ANKRD60: variants seen among roughly 807,000 people sequenced by gnomAD.
ANKRD60 encodes ankyrin repeat domain-containing protein 60.
ANKRD60 carries 24 observed loss-of-function variants against 21.3 expected under a neutral mutation model. That is an observed-to-expected ratio of 1.13 (90% CI 0.82 to 1.59). ANKRD60 has a LOEUF of 1.59. ANKRD60 is among the 40% of genes most tolerant of loss of function. The probability of loss-of-function intolerance (pLI) is 0.00; values close to 1 mark genes in which losing one functional copy is unlikely to be tolerated. For synonymous variants in ANKRD60, 182 were observed against 199.4 expected (o/e 0.91, Z 0.74); for missense variants, 490 against 466.7 (o/e 1.05, Z -0.46).
intron 2 of ANKRD60, among the ~76,000 whole-genome samples, chr20:58,222,232 G>T (rs1288557385): frequency 6.6e-6 from 1 of 152,158 alleles, no homozygotes; most frequent in African/African-American, 2.4e-5. Context: ...GCAGAGGAGA[G>T]TGTGGAGGAG....
chr20:58,222,809 C>T lies in ANKRD60; in HGVS notation c.561+243G>A, dbSNP rs190641444. Among the ~76,000 whole-genome samples, 248 of 152,264 alleles carry T rather than the reference C, an allele frequency of 1.6e-3. 1 individual carries two copies. Among genetic ancestry groups the T allele is most frequent in the Admixed American group, 2.7e-3 (41 of 15,298 alleles). ...GAAACGTGCTGCCTCGACTCCTTTG[C>T]GGGGAGGGGTGGGGCGGTAAGTGGG... On this transcript the variant is annotated intron_variant, in intron 2 of 3. Transcript: ENST00000457363.
intron 3 of ANKRD60, 103 bp from the exon 4 acceptor site, chr20:58,218,908 T>C: frequency 8.9e-7 from 1 of 1,126,864 alleles, no homozygotes; most frequent in Non-Finnish European, 1.2e-6. Flanking sequence ...TCCTGCTGCC[T>C]GGCCCAGCTC....
At chr20:58,219,848 A>C (rs1304889587) in intron 3 of ANKRD60, among the ~76,000 whole-genome samples, 1 of 152,212 alleles carries the variant, frequency 6.6e-6, no homozygotes, top group African/African-American at 2.4e-5. Flanking sequence ...AATACATCAC[A>C]GTTCTATCAG....
intron 1 of ANKRD60, among the ~76,000 whole-genome samples, chr20:58,226,405 G>T (rs1474826863): frequency 2.0e-5 from 3 of 152,040 alleles, no homozygotes; most frequent in Admixed American, 2.0e-4. Context: ...GAGATTTGGG[G>T]GTCTTCATGG....
At chr20:58,227,253 C>G (rs1984383626) in intron 1 of ANKRD60, among the ~76,000 whole-genome samples, 1 of 152,132 alleles carries the variant, frequency 6.6e-6, no homozygotes, top group African/African-American at 2.4e-5. Flanking sequence ...TTTGCCTGGA[C>G]ACAGTTGTTG....
intron 3 of ANKRD60, among the ~76,000 whole-genome samples, chr20:58,220,683 AGTGTGTGTGTGT>A (rs36015489): frequency 8.1e-5 from 12 of 148,410 alleles, no homozygotes; most frequent in South Asian, 2.1e-4. Context: ...GGTTTTTTCT[AGTGTGTGTGTGT>A]GTGTGTGTGT....
intron 2 of ANKRD60, 32 bp downstream of exon 2, chr20:58,223,020 T>C: frequency 6.5e-7 from 1 of 1,538,264 alleles, no homozygotes; most frequent in Non-Finnish European, 8.8e-7. Context: ...CTTCGTAACG[T>C]ATAATATCCA....
Position 58,228,277 on chromosome 20 carries a change from T to C in ANKRD60, c.377A>G (p.Asp126Gly). ...GTTGAAGGGGATGCCGACCATCAGG[T>C]CCAGCTCCTCTTTGAGCTCCCGCAC... The change falls in exon 1 of 4, where the codon GAC (aspartate) becomes GGC (glycine). Residue 126 changes from aspartate (D) to glycine (G), a missense_variant. Coordinates refer to ENST00000457363, the Ensembl canonical transcript of ANKRD60. The surrounding 1 kb of genome is among the most constrained non-coding windows in gnomAD (Gnocchi z 5.3). 6.4e-7 allele frequency: 1 copy of C among 1,551,368 alleles called. No homozygotes were observed. The highest frequency in any genetic ancestry group is 8.7e-7 in the Non-Finnish European group (1 of 1,146,870).
At chr20:58,222,328 G>C (rs1984275738) in intron 2 of ANKRD60, among the ~76,000 whole-genome samples, 1 of 152,056 alleles carries the variant, frequency 6.6e-6, no homozygotes, top group South Asian at 2.1e-4. Flanking sequence ...GCCTCCTGCC[G>C]CACCTGCCCC....
chr20:58,220,522 A>AGAGAGAGT (rs1491070660), intron 3 of ANKRD60, among the ~76,000 whole-genome samples: 1 of 143,980 alleles, frequency 6.9e-6, no homozygotes. Context: ...AGAGAGAGAG[A>AGAGAGAGT]GTGGAAGGAG....
chr20:58,223,248 A>C, intron 1 of ANKRD60, 66 bp from the exon 2 acceptor site: 2 of 1,341,424 alleles, frequency 1.5e-6, no homozygotes, highest in Non-Finnish European at 2.0e-6. Flanking sequence ...ACATTGGTTA[A>C]GTTAAGAGAT....
At chr20:58,226,538 T>C (rs1442048299) in intron 1 of ANKRD60, among the ~76,000 whole-genome samples, 1 of 152,176 alleles carries the variant, frequency 6.6e-6, no homozygotes, top group Admixed American at 6.5e-5. Context: ...AAGTTTGCTT[T>C]GAGTTTTGGG....
exon 4 of ANKRD60, chr20:58,218,627 C>T (rs1055268516): frequency 2.6e-6 from 4 of 1,551,802 alleles, no homozygotes; most frequent in Non-Finnish European, 3.5e-6. Flanking sequence ...CCATCTGCCT[C>T]TCGCTCAGTG....
At chr20:58,220,359 A>G (rs750575408) in intron 3 of ANKRD60, among the ~76,000 whole-genome samples, 1 of 152,186 alleles carries the variant, frequency 6.6e-6, no homozygotes, top group Non-Finnish European at 1.5e-5. Flanking sequence ...ATCTCCATCA[A>G]TGGGCATCTT....
chr20:58,216,780 G>T (rs543752979), downstream of ANKRD60, among the ~76,000 whole-genome samples: 25 of 152,190 alleles, frequency 1.6e-4, no homozygotes, highest in Non-Finnish European at 1.3e-4. Context: ...GGAAAGGGTG[G>T]CCAGGATACA....
At chr20:58,223,208 T>TA (rs921485725) in intron 1 of ANKRD60, 26 bp from the exon 2 acceptor site, 4 of 1,531,182 alleles carry the variant, frequency 2.6e-6, no homozygotes, top group Non-Finnish European at 3.5e-6. Flanking sequence ...TTTTTTCTTT[T>TA]AAAAAATTGG....
At chr20:58,219,311 T>G (rs143254796) in intron 3 of ANKRD60, among the ~76,000 whole-genome samples, 1 of 152,344 alleles carries the variant, frequency 6.6e-6, no homozygotes, top group East Asian at 1.9e-4. Flanking sequence ...AAACCTCCTG[T>G]GTAAGCTCAA....
chr20:58,218,919 C>T (rs1028616857), intron 3 of ANKRD60, 114 bp from the exon 4 acceptor site: 3 of 951,696 alleles, frequency 3.2e-6, no homozygotes, highest in Admixed American at 5.7e-5. Context: ...GGCCCAGCTC[C>T]AGTACTGCCC....
Position 58,220,683 on chromosome 20 carries a change from AGTGTGTGTGTGTGT to A in ANKRD60, c.727+641_727+654del, listed in dbSNP as rs36015489. Reference sequence around the variant, plus strand: ...GGTGGACTATTTTGGGGTTTTTTCTAGTGTGTGTGTGTGTGTGTGTGTGTGTGTGTGTGTGTGTG... The same window carrying A: ...GGTGGACTATTTTGGGGTTTTTTCTAGTGTGTGTGTGTGTGTGTGTGTGTG... On this transcript the variant is annotated intron_variant, in intron 3 of 3. Coordinates refer to ENST00000457363, the Ensembl canonical transcript of ANKRD60. 1.8e-3 allele frequency among the ~76,000 whole-genome samples: 266 copies of A among 148,508 alleles called. 2 individuals are homozygous for A. The highest frequency in any genetic ancestry group is 0.013 in the East Asian group (62 of 4,936).
Sources: gnomAD v4.1 joint callset for allele counts (sites outside exome capture counted in the v4.1 genomes callset) on GRCh38, gnomAD v4.1.1 for gene constraint, Gnocchi (gnomAD v3.1) non-coding constraint, MANE v1.5 for transcripts, NCBI Gene and HGNC (gene_info 2026-07-23, HGNC 2026-07-21) for gene names.